The following GPHN variants were observed in gnomAD, a reference collection of about 807,000 sequenced individuals.
GPHN encodes gephyrin.
In GPHN, 17 loss-of-function variants were observed where a neutral mutation model predicts 95.5. The ratio of observed to expected loss-of-function variants is 0.18; its 90% CI spans 0.12 to 0.27. The LOEUF is 0.27. Among genes scored for constraint, GPHN ranks in the 10% least tolerant of loss-of-function variants. GPHN has a pLI of 1.00. For missense variants in GPHN, 660 were observed against 978.1 expected (o/e 0.67, Z 4.34); for synonymous variants, 320 against 322.5 (o/e 0.99, Z 0.08).
chr14:66,713,997 C>T lies in GPHN; in HGVS notation c.143+32812C>T, dbSNP rs112663186. On this transcript the variant is annotated intron_variant, in intron 2 of 22. Transcript: ENST00000478722. ...TTGGCCAGGCTGGTTTCACAATCCT[C>T]ACCTCAAGTGATCTGCCCGCCTTGG... is the stretch of plus-strand genomic sequence containing the variant. Among the ~76,000 whole-genome samples the T allele has an allele frequency of 3.7e-3, 556 of 152,218 alleles. 12 individuals are homozygous for T. The highest frequency in any genetic ancestry group is 0.013 in the African/African-American group (530 of 41,550).
the GPHN span, among the ~76,000 whole-genome samples, chr14:67,409,628 C>T: frequency 1.3e-5 from 2 of 152,162 alleles, no homozygotes; most frequent in Non-Finnish European, 2.9e-5. Context: ...GCCCAGTGAG[C>T]TCCTTGCATT....
At chr14:67,422,027 G>A in the GPHN span, among the ~76,000 whole-genome samples, 1 of 152,054 alleles carries the variant, frequency 6.6e-6, no homozygotes, top group Non-Finnish European at 1.5e-5. Flanking sequence ...CCTCTAGCTG[G>A]GGAGAGATTG....
chr14:67,376,516 G>A, the GPHN span: 2 of 1,613,970 alleles, frequency 1.2e-6, no homozygotes, highest in African/African-American at 2.7e-5. Flanking sequence ...TATTCCAGAG[G>A]ACTGCCTGGG....
the GPHN span, chr14:67,572,006 C>A: frequency 1.4e-6 from 2 of 1,475,056 alleles, no homozygotes; most frequent in Non-Finnish European, 1.8e-6. Context: ...GAGCTCGTGA[C>A]CCCCCAGCAG....
chr14:67,345,775 G>C, the GPHN span: 2 of 1,611,622 alleles, frequency 1.2e-6, no homozygotes, highest in South Asian at 2.2e-5. Context: ...TACCTGCAGA[G>C]AAGCTAGTTC....
the GPHN span, among the ~76,000 whole-genome samples, chr14:67,629,897 A>C: frequency 6.6e-6 from 1 of 152,280 alleles, no homozygotes; most frequent in Non-Finnish European, 1.5e-5. Context: ...ACATTCTTAC[A>C]GAAAGTCCAC....
chr14:66,606,673 G>A (rs1392394808), intron 1 of GPHN, among the ~76,000 whole-genome samples: 1 of 151,962 alleles, frequency 6.6e-6, no homozygotes, highest in African/African-American at 2.4e-5. Context: ...TGTAGTTCTT[G>A]TAGAGATCTT....
chr14:66,655,432 T>C (rs752124296), intron 1 of GPHN, among the ~76,000 whole-genome samples: 1 of 152,142 alleles, frequency 6.6e-6, no homozygotes, highest in East Asian at 1.9e-4. Flanking sequence ...ACAAATGTAA[T>C]TGATTTTCAT....
chr14:66,679,944 A>G (rs1413547022), intron 1 of GPHN, among the ~76,000 whole-genome samples: 8 of 152,024 alleles, frequency 5.3e-5, no homozygotes, highest in Admixed American at 5.2e-4. Flanking sequence ...GCCCCTTTCC[A>G]TACCTTGTAA....
intron 18 of GPHN, among the ~76,000 whole-genome samples, chr14:67,150,561 G>C (rs904729209): frequency 6.7e-6 from 1 of 150,046 alleles, no homozygotes; most frequent in Admixed American, 6.6e-5. Context: ...TAGGAAAAAT[G>C]TGAGATTATT....
chr14:67,619,923 C>G, the GPHN span: 1 of 1,270,956 alleles, frequency 7.9e-7, no homozygotes, highest in Non-Finnish European at 1.1e-6. Context: ...GGCGCTCACT[C>G]CCGGCTTCCA....
chr14:67,409,921 C>T, the GPHN span, among the ~76,000 whole-genome samples: 2 of 152,144 alleles, frequency 1.3e-5, no homozygotes, highest in East Asian at 3.9e-4. Flanking sequence ...CAGACTGGGA[C>T]CACAACAGGG....
intron 1 of GPHN, among the ~76,000 whole-genome samples, chr14:66,637,900 CT>C (rs1398905597): frequency 6.6e-6 from 1 of 151,966 alleles, no homozygotes; most frequent in African/African-American, 2.4e-5. Context: ...TTTTGAGTTT[CT>C]GTTTTTGAGC....
chr14:67,619,955 G>A, the GPHN span: 1 of 1,527,342 alleles, frequency 6.5e-7, no homozygotes, highest in Non-Finnish European at 8.9e-7. Flanking sequence ...CCTCTGCCTT[G>A]GAGATTCTCA....
chr14:67,153,066 C>G (rs762034493), intron 18 of GPHN, among the ~76,000 whole-genome samples: 1 of 152,122 alleles, frequency 6.6e-6, no homozygotes, highest in Non-Finnish European at 1.5e-5. Flanking sequence ...TTTCAGAGGC[C>G]AAGGCGGGCA....
At chr14:66,751,379 C>T (rs767513228) in intron 2 of GPHN, among the ~76,000 whole-genome samples, 54 of 151,932 alleles carry the variant, frequency 3.6e-4, no homozygotes, top group Non-Finnish European at 7.1e-4. Flanking sequence ...TTTTAATAGC[C>T]ATTCTGATGG....
intron 5 of GPHN, among the ~76,000 whole-genome samples, chr14:66,897,668 C>A (rs1413647951): frequency 6.6e-6 from 1 of 152,040 alleles, no homozygotes; most frequent in Non-Finnish European, 1.5e-5. Flanking sequence ...TCAATAATTC[C>A]TTACATTTTA....
intron 6 of GPHN, 27 bp from the exon 7 acceptor site, chr14:66,922,639 A>ATTTTTT (rs765769429): frequency 2.6e-6 from 4 of 1,562,170 alleles, no homozygotes; most frequent in Admixed American, 1.8e-5. Flanking sequence ...CTTCATCTTA[A>ATTTTTT]TTTTTTTTTC....
At chr14:66,741,276 TA>T (rs2072768873) in intron 2 of GPHN, among the ~76,000 whole-genome samples, 2 of 152,342 alleles carry the variant, frequency 1.3e-5, no homozygotes, top group South Asian at 4.1e-4. Flanking sequence ...ATAAATATAA[TA>T]TGCAAATAAT....
Sources: allele counts gnomAD v4.1 joint callset (sites outside exome capture counted in the v4.1 genomes callset), GRCh38; gene constraint gnomAD v4.1.1; transcripts MANE v1.5; gene names NCBI Gene and HGNC (gene_info 2026-07-23, HGNC 2026-07-21).